CLPSL1: variants seen among roughly 807,000 people sequenced by gnomAD.
CLPSL1 encodes the protein colipase like 1.
Under a neutral mutation model 9.3 loss-of-function variants are expected in CLPSL1, and 13 were observed. The ratio of observed to expected loss-of-function variants is 1.40; its 90% CI spans 0.91 to 2.22. The LOEUF is 2.22. CLPSL1 is among the 30% of genes most tolerant of loss of function. The pLI, the probability that CLPSL1 is intolerant of heterozygous loss-of-function variation, is 0.00. For synonymous variants in CLPSL1, 58 were observed against 56.9 expected, an observed-to-expected ratio of 1.02 and a Z score of -0.08; for missense variants, 164 against 146.6, an observed-to-expected ratio of 1.12 and a Z score of -0.61.
At chr6:35,790,632 A>C (rs1425490551), downstream of CLPSL1, among the ~76,000 whole-genome samples, 1 of 152,272 alleles carries the variant, frequency 6.6e-6, no homozygotes, top group Non-Finnish European at 1.5e-5. Flanking sequence ...TTTAGGAAAG[A>C]TGAATGGGCC....
chr6:35,789,366 G>C (rs1297352262), downstream of CLPSL1, among the ~76,000 whole-genome samples: 1 of 152,254 alleles, frequency 6.6e-6, no homozygotes, highest in Non-Finnish European at 1.5e-5. Context: ...TCAATAAATG[G>C]TGTTGGGAAA....
At chr6:35,788,374 C>T (rs577687999), downstream of CLPSL1, among the ~76,000 whole-genome samples, 4 of 152,386 alleles carry the variant, frequency 2.6e-5, no homozygotes, top group East Asian at 5.8e-4. Flanking sequence ...TAATCTACCC[C>T]CCGGAAGCCC....
At chr6:35,782,522 A>G (rs2766581) in intron 1 of CLPSL1, among the ~76,000 whole-genome samples, 41,511 of 152,132 alleles carry the variant, frequency 0.27, 5,903 homozygotes, top group South Asian at 0.35. Context: ...ACAAAGTACA[A>G]CCAGGTGATG....
chr6:35,791,648 TG>T (rs1312027075), downstream of CLPSL1, among the ~76,000 whole-genome samples: 1 of 151,936 alleles, frequency 6.6e-6, no homozygotes, highest in African/African-American at 2.4e-5. Context: ...ATACATTTAA[TG>T]GGCAGGTGTG....
chr6:35,788,335 CA>C, downstream of CLPSL1, among the ~76,000 whole-genome samples: 1 of 152,374 alleles, frequency 6.6e-6, no homozygotes, highest in South Asian at 2.1e-4. Flanking sequence ...CTTCCCACCC[CA>C]ACCCCTTTCT....
downstream of CLPSL1, among the ~76,000 whole-genome samples, chr6:35,790,124 G>A (rs78046743): frequency 0.012 from 1,787 of 151,760 alleles, no homozygotes; most frequent in Non-Finnish European, 0.019. Flanking sequence ...ATGGGGAGGG[G>A]GAGATCTCAC....
downstream of CLPSL1, among the ~76,000 whole-genome samples, chr6:35,792,543 T>C (rs1768240884): frequency 6.6e-6 from 1 of 152,270 alleles, no homozygotes; most frequent in South Asian, 2.1e-4. Context: ...GGTTAGACTG[T>C]GCCTCTGCTG....
At chr6:35,785,843 G>A (rs1329734656) in intron 1 of CLPSL1, among the ~76,000 whole-genome samples, 4 of 151,822 alleles carry the variant, frequency 2.6e-5, no homozygotes, top group Middle Eastern at 3.4e-3. Context: ...CCAGCTACAC[G>A]GGAGGCTGAG....
At chr6:35,786,136 A>G (rs984462527) in intron 1 of CLPSL1, among the ~76,000 whole-genome samples, 1 of 152,096 alleles carries the variant, frequency 6.6e-6, no homozygotes, top group Non-Finnish European at 1.5e-5. Context: ...ATGGTGGCGC[A>G]CGGCTGTAAT....
downstream of CLPSL1, among the ~76,000 whole-genome samples, chr6:35,791,059 G>A (rs2766590): frequency 0.16 from 16,672 of 102,280 alleles, 1,136 homozygotes; most frequent in African/African-American, 0.34. Context: ...AAAAAAAAAA[G>A]AAAGAAAGAA....
downstream of CLPSL1, among the ~76,000 whole-genome samples, chr6:35,791,608 CA>C (rs72328042): frequency 0.3 from 41,604 of 137,618 alleles, 4,383 homozygotes; most frequent in Non-Finnish European, 0.31. Context: ...ACTCTGTCTC[CA>C]AAAAAAAAAA....
At chr6:35,785,309 C>G (rs1433327858) in intron 1 of CLPSL1, among the ~76,000 whole-genome samples, 1 of 151,638 alleles carries the variant, frequency 6.6e-6, no homozygotes, top group Non-Finnish European at 1.5e-5. Flanking sequence ...TCCCAAGTAG[C>G]TGGGACTACA....
At chr6:35,782,340 A>G (rs1767981268) in intron 1 of CLPSL1, among the ~76,000 whole-genome samples, 1 of 152,214 alleles carries the variant, frequency 6.6e-6, no homozygotes, top group South Asian at 2.1e-4. Context: ...TTCAACAGTT[A>G]TGCATTCAGC....
At chr6:35,784,081 C>T (rs547338380) in intron 1 of CLPSL1, among the ~76,000 whole-genome samples, 1 of 152,014 alleles carries the variant, frequency 6.6e-6, no homozygotes, top group South Asian at 2.1e-4. Flanking sequence ...TGGGGTATAG[C>T]TTGCTTTTAT....
chr6:35,792,229 A>G (rs1768234357), downstream of CLPSL1, among the ~76,000 whole-genome samples: 1 of 152,188 alleles, frequency 6.6e-6, no homozygotes, highest in Admixed American at 6.5e-5. Flanking sequence ...AGCCATGATC[A>G]TGCCACTGCA....
intron 1 of CLPSL1, among the ~76,000 whole-genome samples, chr6:35,781,967 G>A (rs935245035): frequency 1.3e-5 from 2 of 152,066 alleles, no homozygotes; most frequent in African/African-American, 4.8e-5. Flanking sequence ...GGTCAGGCTG[G>A]TCTTGAACTC....
chr6:35,787,783 G>C, intron 2 of CLPSL1, 84 bp from the exon 3 acceptor site: 2 of 1,327,694 alleles, frequency 1.5e-6, no homozygotes, highest in East Asian at 4.7e-5. Context: ...CAAGCACATG[G>C]GCCCTGGAGC....
At chr6:35,791,414 G>A (rs529187625), downstream of CLPSL1, among the ~76,000 whole-genome samples, 40 of 152,306 alleles carry the variant, frequency 2.6e-4, no homozygotes, top group South Asian at 8.3e-3. Flanking sequence ...TTCGAGACCA[G>A]CCTGACCAAC....
rs1431841235 is a variant in CLPSL1 at position 35,788,111 on chromosome 6, G to A, written c.*101G>A. 2.0e-6 allele frequency: 2 copies of A among 1,021,898 alleles called. No individual in the cohort carries two copies. The highest frequency in any genetic ancestry group is 2.5e-5 in the East Asian group (1 of 39,986). 63.3% of individuals were successfully genotyped at this position (1,021,898 alleles called of 1,614,324 possible). A position where few individuals can be genotyped will look rare whatever the true frequency, so the allele number is the denominator to read the frequency against. ...CCCCAGAGCCTCCACCATGAGTGGAGGGAAGTGGGGAGTGATTGAAATAAA... is the reference window on the plus strand; with the variant it reads ...CCCCAGAGCCTCCACCATGAGTGGAAGGAAGTGGGGAGTGATTGAAATAAA... On this transcript the variant is annotated 3_prime_UTR_variant, in exon 3 of 3. Transcript: ENST00000373861.
Sources: gnomAD v4.1 joint callset for allele counts (sites outside exome capture counted in the v4.1 genomes callset) on GRCh38, gnomAD v4.1.1 for gene constraint, MANE v1.5 for transcripts, NCBI Gene and HGNC (gene_info 2026-07-23, HGNC 2026-07-21) for gene names.